RASSF3: variants seen among roughly 807,000 people sequenced by gnomAD.
RASSF3 encodes Ras association domain family member 3, also known as ras association domain-containing protein 3.
In RASSF3, 19 loss-of-function variants were observed where a neutral mutation model predicts 19.9. The ratio of observed to expected loss-of-function variants is 0.96; its 90% CI spans 0.67 to 1.40. The LOEUF is 1.40. Among genes scored for constraint, RASSF3 ranks in the 40% most tolerant of loss-of-function variants. The probability of loss-of-function intolerance (pLI) is 0.00; values close to 1 mark genes in which losing one functional copy is unlikely to be tolerated. For missense variants in RASSF3, 306 were observed against 289.8 expected (o/e 1.06, Z -0.41); for synonymous variants, 110 against 104.2 (o/e 1.06, Z -0.34).
chr12:64,550,897 A>T (rs1406874984), intron 2 of RASSF3, among the ~76,000 whole-genome samples: 1 of 151,756 alleles, frequency 6.6e-6, no homozygotes, highest in Admixed American at 6.6e-5. Flanking sequence ...AAGCCCGAAA[A>T]TGTTCCAATC....
intron 1 of RASSF3, among the ~76,000 whole-genome samples, chr12:64,643,641 A>G (rs1871626923): frequency 6.6e-6 from 1 of 152,140 alleles, no homozygotes; most frequent in African/African-American, 2.4e-5. Context: ...AATAGGAAAA[A>G]AAAACCGGAA....
downstream of RASSF3, among the ~76,000 whole-genome samples, chr12:64,542,873 C>A (rs1037501192): frequency 6.6e-6 from 1 of 152,206 alleles, no homozygotes; most frequent in African/African-American, 2.4e-5. Flanking sequence ...TGTGGGAGCC[C>A]CTTCCTGGGA....
chr12:64,610,361 C>T (rs1335882768), upstream of RASSF3, among the ~76,000 whole-genome samples: 1 of 149,330 alleles, frequency 6.7e-6, no homozygotes, highest in Non-Finnish European at 1.5e-5. Flanking sequence ...CGGGGAGGGT[C>T]GCGGCCGCGC....
chr12:64,526,196 CTT>C (rs1565832613), intron 1 of RASSF3, among the ~76,000 whole-genome samples: 2 of 151,944 alleles, frequency 1.3e-5, no homozygotes, highest in African/African-American at 4.8e-5. Flanking sequence ...ACAGATAAAA[CTT>C]ATATACATAT....
chr12:64,510,600 A>G (rs982407620), intron 1 of RASSF3, among the ~76,000 whole-genome samples: 1 of 152,226 alleles, frequency 6.6e-6, no homozygotes, highest in East Asian at 1.9e-4. Context: ...TCCCTGTAAC[A>G]GCACAATTTA....
chr12:64,564,311 T>C (rs2136126953), intron 2 of RASSF3, among the ~76,000 whole-genome samples: 1 of 152,290 alleles, frequency 6.6e-6, no homozygotes, highest in Middle Eastern at 3.4e-3. Flanking sequence ...ACTAACTTTA[T>C]TGGATTGGGG....
intron 2 of RASSF3, among the ~76,000 whole-genome samples, chr12:64,576,898 A>C (rs1869604969): frequency 6.6e-6 from 1 of 151,848 alleles, no homozygotes; most frequent in Non-Finnish European, 1.5e-5. Context: ...GGAACATGGA[A>C]GAGTATGATA....
upstream of RASSF3, among the ~76,000 whole-genome samples, chr12:64,531,432 C>A (rs1022131313): frequency 4.6e-5 from 7 of 152,008 alleles, no homozygotes; most frequent in African/African-American, 1.7e-4. Flanking sequence ...TTTATTATGG[C>A]AAAAATATAT....
At chr12:64,641,169 G>C (rs1871503736) in intron 1 of RASSF3, among the ~76,000 whole-genome samples, 1 of 151,926 alleles carries the variant, frequency 6.6e-6, no homozygotes, top group African/African-American at 2.4e-5. Flanking sequence ...GCTGAGGGAG[G>C]CAGATCCCTT....
At chr12:64,586,449 C>G (rs7970353) in intron 2 of RASSF3, among the ~76,000 whole-genome samples, 70,313 of 137,948 alleles carry the variant, frequency 0.51, 17,962 homozygotes, top group Middle Eastern at 0.61. Flanking sequence ...GAGATTGTGC[C>G]ACTGCACTCC....
At chr12:64,608,343 G>T (rs540747160), upstream of RASSF3, among the ~76,000 whole-genome samples, 5 of 151,840 alleles carry the variant, frequency 3.3e-5, no homozygotes, top group East Asian at 7.7e-4. Context: ...TTATTGAGAC[G>T]AAGTTTTGCT....
intron 1 of RASSF3, among the ~76,000 whole-genome samples, chr12:64,683,480 A>G (rs572277585): frequency 6.6e-6 from 1 of 152,230 alleles, no homozygotes; most frequent in Admixed American, 6.5e-5. Context: ...GGAGGTAGAG[A>G]AGTGGGTGAG....
At chr12:64,583,791 T>G (rs1438788332) in intron 2 of RASSF3, among the ~76,000 whole-genome samples, 1 of 152,242 alleles carries the variant, frequency 6.6e-6, no homozygotes, top group Non-Finnish European at 1.5e-5. Context: ...TGGAATTTGC[T>G]TGACTTCTTG....
intron 2 of RASSF3, among the ~76,000 whole-genome samples, chr12:64,580,553 G>A (rs1869675798): frequency 6.8e-6 from 1 of 147,504 alleles, no homozygotes; most frequent in Non-Finnish European, 1.5e-5. Flanking sequence ...GATAGAATGA[G>A]ACCTTGTCTC....
intron 1 of RASSF3, among the ~76,000 whole-genome samples, chr12:64,646,599 A>G (rs1246543204): frequency 6.6e-6 from 1 of 152,212 alleles, no homozygotes; most frequent in East Asian, 1.9e-4. Flanking sequence ...CATCTACTGT[A>G]AGTTAACATT....
chr12:64,543,432 C>G (rs1236884288), downstream of RASSF3, among the ~76,000 whole-genome samples: 1 of 72,022 alleles, frequency 1.4e-5, no homozygotes, highest in African/African-American at 6.4e-5. Flanking sequence ...GCTCCCCGCC[C>G]GCCCCCCCCG....
chr12:64,636,042 A>AAATG (rs1366098977), intron 1 of RASSF3, among the ~76,000 whole-genome samples: 2 of 152,294 alleles, frequency 1.3e-5, no homozygotes, highest in East Asian at 3.9e-4. Context: ...ATATGGGTGG[A>AAATG]AATGATAATG....
chr12:64,537,053 C>T (rs1342354598), intron 1 of RASSF3, among the ~76,000 whole-genome samples: 1 of 152,220 alleles, frequency 6.6e-6, no homozygotes, highest in East Asian at 1.9e-4. Flanking sequence ...CGGCACATCA[C>T]ATTGCTGACC....
intron 2 of RASSF3, among the ~76,000 whole-genome samples, chr12:64,574,545 T>A (rs897381700): frequency 1.3e-5 from 2 of 152,200 alleles, no homozygotes; most frequent in African/African-American, 4.8e-5. Flanking sequence ...TATGACTTGC[T>A]TTGGCCAGTG....
Sources: allele counts gnomAD v4.1 joint callset (sites outside exome capture counted in the v4.1 genomes callset), GRCh38; gene constraint gnomAD v4.1.1; transcripts MANE v1.5; gene names NCBI Gene and HGNC (gene_info 2026-07-23, HGNC 2026-07-21).